The following CNTNAP2 variants were observed in gnomAD, a reference collection of about 807,000 sequenced individuals.
The protein encoded by CNTNAP2 is contactin-associated protein-like 2.
In CNTNAP2, 98 loss-of-function variants were observed where a neutral mutation model predicts 155.2. That is an observed-to-expected ratio of 0.63 (90% CI 0.54 to 0.75). The LOEUF (loss-of-function observed/expected upper bound fraction) is 0.75, where lower values mean the gene tolerates loss of function less well. Ranked by LOEUF, CNTNAP2 falls within the 30% of genes least tolerant of loss-of-function variation. CNTNAP2 has a pLI of 0.00. For synonymous variants in CNTNAP2, 651 were observed against 631.2 expected (o/e 1.03, Z -0.47); for missense variants, 1,727 against 1,688.1 (o/e 1.02, Z -0.40).
Position 148,076,673 on chromosome 7 carries a change from G to A in CNTNAP2, c.2384-41445G>A, listed in dbSNP as rs188637435. ...GATGGTCTCGATCTCCTGACCTCGT[G>A]ATCCACCCATCTCTGCCTCCCAAAG... On this transcript the variant is annotated intron_variant, in intron 15 of 23. Transcript: ENST00000361727. Among the ~76,000 whole-genome samples, 170 of 151,930 alleles carry A rather than the reference G, an allele frequency of 1.1e-3. 1 individual carries two copies. Among genetic ancestry groups the A allele is most frequent in the African/African-American group, 4.0e-3 (165 of 41,430 alleles).
chr7:146,682,963 C>A (rs776104953), intron 1 of CNTNAP2, among the ~76,000 whole-genome samples: 58 of 152,264 alleles, frequency 3.8e-4, no homozygotes, highest in Non-Finnish European at 7.4e-4. Context: ...GGCAGAACTG[C>A]TATTCTGTCA....
At chr7:148,136,415 C>T (rs908907239) in intron 16 of CNTNAP2, among the ~76,000 whole-genome samples, 3 of 152,114 alleles carry the variant, frequency 2.0e-5, no homozygotes, top group Non-Finnish European at 2.9e-5. Flanking sequence ...CTCTCTCTCG[C>T]TTCCTCTCTT....
chr7:148,403,172 C>A (rs1563074893), intron 22 of CNTNAP2, among the ~76,000 whole-genome samples: 2 of 148,882 alleles, frequency 1.3e-5, no homozygotes, highest in Non-Finnish European at 3.0e-5. Context: ...TGGGAGAAGA[C>A]TCTCCCATCA....
intron 1 of CNTNAP2, among the ~76,000 whole-genome samples, chr7:146,153,718 A>G (rs1798084949): frequency 6.6e-6 from 1 of 152,200 alleles, no homozygotes; most frequent in Non-Finnish European, 1.5e-5. Flanking sequence ...TTGGAGACCT[A>G]AAAGACAATG....
chr7:148,364,215 G>C (rs544966275), intron 21 of CNTNAP2, among the ~76,000 whole-genome samples: 2 of 152,218 alleles, frequency 1.3e-5, no homozygotes, highest in African/African-American at 4.8e-5. Context: ...CAGGACTGGC[G>C]GGCAGCTCCA....
At chr7:148,379,505 A>T (rs1019406728) in intron 21 of CNTNAP2, among the ~76,000 whole-genome samples, 1 of 151,936 alleles carries the variant, frequency 6.6e-6, no homozygotes, top group Non-Finnish European at 1.5e-5. Context: ...GTTGTTTGGG[A>T]CCAACCTGGG....
chr7:147,656,791 T>C (rs1563041226), intron 13 of CNTNAP2, among the ~76,000 whole-genome samples: 4 of 151,982 alleles, frequency 2.6e-5, no homozygotes, highest in African/African-American at 9.7e-5. Context: ...AAAAACCCGA[T>C]GCCAATAGAT....
chr7:148,016,328 T>C (rs1250900012), intron 15 of CNTNAP2, among the ~76,000 whole-genome samples: 1 of 152,190 alleles, frequency 6.6e-6, no homozygotes, highest in East Asian at 1.9e-4. Context: ...TGACTTGTGT[T>C]GGGTTAACTA....
intron 3 of CNTNAP2, among the ~76,000 whole-genome samples, chr7:146,951,586 T>C (rs1308410172): frequency 6.6e-6 from 1 of 152,166 alleles, no homozygotes; most frequent in African/African-American, 2.4e-5. Context: ...ATCAGGTTTG[T>C]CAAAGATCCG....
intron 1 of CNTNAP2, among the ~76,000 whole-genome samples, chr7:146,189,596 A>G (rs1798673156): frequency 6.6e-6 from 1 of 152,190 alleles, no homozygotes; most frequent in Non-Finnish European, 1.5e-5. Context: ...AATTAAACAG[A>G]TTTAAGAATT....
At chr7:146,817,447 G>A (rs913219718) in intron 2 of CNTNAP2, among the ~76,000 whole-genome samples, 2 of 151,416 alleles carry the variant, frequency 1.3e-5, no homozygotes, top group Admixed American at 6.6e-5. Context: ...ACTCCAGCTT[G>A]GGCAACATGA....
At chr7:148,260,104 C>A (rs960219837) in intron 20 of CNTNAP2, among the ~76,000 whole-genome samples, 1 of 152,168 alleles carries the variant, frequency 6.6e-6, no homozygotes, top group African/African-American at 2.4e-5. Context: ...GAGGTGGCCA[C>A]CTGGCAATAC....
At chr7:146,887,745 G>C (rs1028907227) in intron 3 of CNTNAP2, among the ~76,000 whole-genome samples, 6 of 151,982 alleles carry the variant, frequency 3.9e-5, no homozygotes, top group Non-Finnish European at 8.8e-5. Context: ...TTCCTGATAT[G>C]CTTTTTTTCT....
chr7:147,716,394 GT>G (rs1368675397), intron 13 of CNTNAP2, among the ~76,000 whole-genome samples: 2 of 152,088 alleles, frequency 1.3e-5, no homozygotes, highest in Non-Finnish European at 2.9e-5. Flanking sequence ...AGGTGAGCTG[GT>G]GGTGAGGCAG....
At chr7:146,607,640 T>A (rs180864435) in intron 1 of CNTNAP2, among the ~76,000 whole-genome samples, 2 of 152,006 alleles carry the variant, frequency 1.3e-5, no homozygotes, top group East Asian at 3.9e-4. Flanking sequence ...CATATCTCGC[T>A]AATTTTTTAA....
intron 1 of CNTNAP2, among the ~76,000 whole-genome samples, chr7:146,186,727 C>A (rs902025387): frequency 3.3e-5 from 5 of 152,118 alleles, no homozygotes; most frequent in African/African-American, 7.2e-5. Context: ...GAAGACAAAT[C>A]TGAAATAACT....
chr7:148,071,863 G>C (rs937922973), intron 15 of CNTNAP2, among the ~76,000 whole-genome samples: 10 of 152,186 alleles, frequency 6.6e-5, no homozygotes, highest in African/African-American at 2.4e-4. Context: ...AGCTGGAGAA[G>C]TCATTTGAAA....
At chr7:146,315,032 C>A (rs1484230564) in intron 1 of CNTNAP2, among the ~76,000 whole-genome samples, 1 of 152,170 alleles carries the variant, frequency 6.6e-6, no homozygotes, top group Non-Finnish European at 1.5e-5. Context: ...CTGGAGAAAG[C>A]CAGGGAAGGC....
intron 16 of CNTNAP2, among the ~76,000 whole-genome samples, chr7:148,131,155 G>A (rs768677740): frequency 7.0e-6 from 1 of 142,754 alleles, no homozygotes; most frequent in Admixed American, 7.2e-5. Context: ...GAGTGCAGTG[G>A]TGCAATCTCA....
Sources: allele counts gnomAD v4.1 joint callset (sites outside exome capture counted in the v4.1 genomes callset), GRCh38; gene constraint gnomAD v4.1.1; transcripts MANE v1.5; gene names NCBI Gene and HGNC (gene_info 2026-07-23, HGNC 2026-07-21).